Variants in TRIM44 observed in about 807,000 individuals in gnomAD.
TRIM44 encodes tripartite motif containing 44.
A neutral mutation model predicts 37.4 loss-of-function variants in TRIM44; 13 were observed. The observed-to-expected ratio is 0.35, with a 90% CI of 0.23 to 0.55. The LOEUF is 0.55. Among genes scored for constraint, TRIM44 ranks in the 20% least tolerant of loss-of-function variants. TRIM44 has a pLI of 0.89. For missense variants in TRIM44, 426 were observed against 437.2 expected (o/e 0.97, Z 0.23); for synonymous variants, 175 against 157.2 (o/e 1.11, Z -0.85).
At chr11:35,761,952 A>G (rs1852735435) in intron 4 of TRIM44, among the ~76,000 whole-genome samples, 1 of 152,256 alleles carries the variant, frequency 6.6e-6, no homozygotes, top group Admixed American at 6.5e-5. Context: ...TCTCAGGAAT[A>G]CAATGGCAGA....
Position 35,746,060 on chromosome 11 carries a change from G to GT in TRIM44, c.1007+10619dup, listed in dbSNP as rs561967675. ...TCCAAATAGATTTAAGGATTTAGAG[G>GT]TTTTCCTTAAAAGGTAATCAAACAA... is the stretch of plus-strand genomic sequence containing the variant. On this transcript the variant is annotated intron_variant, in intron 4 of 4. Coordinates refer to ENST00000299413, the MANE Select transcript of TRIM44 (RefSeq NM_017583.6). 2.0e-4 allele frequency among the ~76,000 whole-genome samples: 30 copies of GT among 152,284 alleles called. No homozygotes were observed. The South Asian group carries it at 5.4e-3, about 27-fold the overall frequency.
intron 4 of TRIM44, among the ~76,000 whole-genome samples, chr11:35,804,020 C>T (rs918940697): frequency 2.0e-5 from 3 of 151,864 alleles, no homozygotes; most frequent in Admixed American, 1.3e-4. Flanking sequence ...TCCTCCCTCC[C>T]CTGAGCCTGT....
At position 35,663,474 on chromosome 11, in the gene TRIM44, C is replaced by T; in HGVS notation, c.363C>T (p.Ser121=). ...CAGAGGAAGAGAGTGAGGATGAGAGCGATGAGGAGAGTGAAGAAGACAGCG... is the reference window on the plus strand; with the variant it reads ...CAGAGGAAGAGAGTGAGGATGAGAGTGATGAGGAGAGTGAAGAAGACAGCG... The part of the protein sequence containing the change: ...SETEEESEDE[S]DEESEEDSEE... The change falls in exon 1 of 5, where the codon AGC becomes AGT. Residue 121 remains serine (S), a synonymous_variant. Coordinates refer to ENST00000299413, the MANE Select transcript of TRIM44 (RefSeq NM_017583.6). 6.4e-7 allele frequency: 1 copy of T among 1,566,524 alleles called. No homozygotes were observed. Among genetic ancestry groups the T allele is most frequent in the Non-Finnish European group, 8.7e-7 (1 of 1,155,218 alleles).
chr11:35,707,019 G>T (rs1489394585), intron 2 of TRIM44, among the ~76,000 whole-genome samples: 1 of 152,080 alleles, frequency 6.6e-6, no homozygotes, highest in African/African-American at 2.4e-5. Flanking sequence ...AAACCCCATT[G>T]TTTCAGCCCA....
chr11:35,680,205 C>T (rs1041041236), intron 1 of TRIM44, among the ~76,000 whole-genome samples: 4 of 152,282 alleles, frequency 2.6e-5, no homozygotes, highest in East Asian at 3.9e-4. Context: ...GACCTTGGCC[C>T]TCTTGGTCAA....
At chr11:35,691,638 T>C (rs1224727437) in intron 2 of TRIM44, among the ~76,000 whole-genome samples, 1 of 152,178 alleles carries the variant, frequency 6.6e-6, no homozygotes, top group East Asian at 1.9e-4. Context: ...TTTATTTTCA[T>C]TTATTTATTT....
At chr11:35,741,174 C>T (rs1852392342) in intron 4 of TRIM44, among the ~76,000 whole-genome samples, 4 of 152,142 alleles carry the variant, frequency 2.6e-5, no homozygotes, top group Admixed American at 2.6e-4. Flanking sequence ...GCTTATTATG[C>T]AAAGTGGGGT....
intron 4 of TRIM44, among the ~76,000 whole-genome samples, chr11:35,788,933 T>C (rs997290935): frequency 6.6e-6 from 1 of 152,220 alleles, no homozygotes; most frequent in African/African-American, 2.4e-5. Context: ...GAATTATCAC[T>C]CTTCTTTTTA....
At chr11:35,768,414 G>A (rs11033270) in intron 4 of TRIM44, among the ~76,000 whole-genome samples, 4,055 of 152,170 alleles carry the variant, frequency 0.027, 136 homozygotes, top group African/African-American at 0.076. Flanking sequence ...TTGAGGGTTC[G>A]CACTCAACCC....
chr11:35,747,915 G>A (rs888117382), intron 4 of TRIM44, among the ~76,000 whole-genome samples: 3 of 152,030 alleles, frequency 2.0e-5, no homozygotes, highest in African/African-American at 7.3e-5. Flanking sequence ...GGGGATAATT[G>A]TTGCAGGAGG....
intron 2 of TRIM44, among the ~76,000 whole-genome samples, chr11:35,720,409 T>G (rs1590540758): frequency 6.7e-6 from 1 of 149,018 alleles, no homozygotes; most frequent in Non-Finnish European, 1.5e-5. Context: ...TTCCAGGAGG[T>G]TTTTTTCTTT....
rs1395222429 is a variant in TRIM44 at position 35,663,057 on chromosome 11, A to C, written c.-55A>C. 12 of 1,465,224 alleles carry C rather than the reference A, an allele frequency of 8.2e-6. No individual in the cohort carries two copies. The African/African-American group carries it at 1.3e-4, about 16-fold the overall frequency. 90.8% of individuals were successfully genotyped at this position (1,465,224 alleles called of 1,614,324 possible). On this transcript the variant is annotated 5_prime_UTR_variant, in exon 1 of 5. Coordinates refer to ENST00000299413, the MANE Select transcript of TRIM44 (RefSeq NM_017583.6). ...GGGAGGAGGAAGTGAGGCCGCGCGG[A>C]AGGAAGGCGGCGAGCCCCGGGGCCC...
intron 4 of TRIM44, among the ~76,000 whole-genome samples, chr11:35,795,402 G>C (rs1371619980): frequency 6.6e-6 from 1 of 151,962 alleles, no homozygotes; most frequent in Non-Finnish European, 1.5e-5. Flanking sequence ...AGTTCAAGCA[G>C]GAGATGGTGG....
chr11:35,746,665 T>A lies in TRIM44; in HGVS notation c.1007+11220T>A, dbSNP rs187893040. Among the ~76,000 whole-genome samples, 276 of 152,220 alleles carry A rather than the reference T, an allele frequency of 1.8e-3. 1 individual carries two copies. Among genetic ancestry groups the A allele is most frequent in the Middle Eastern group, 6.8e-3 (2 of 294 alleles). ...CTGTAGGGAGGTGGCTTCAGAACTTTAAGAAATGTAGCCAAAGGCTGAGTT... is the reference window on the plus strand; with the variant it reads ...CTGTAGGGAGGTGGCTTCAGAACTTAAAGAAATGTAGCCAAAGGCTGAGTT... On this transcript the variant is annotated intron_variant, in intron 4 of 4. Coordinates refer to ENST00000299413, the MANE Select transcript of TRIM44 (RefSeq NM_017583.6).
chr11:35,741,921 T>TTATC (rs1032887252), intron 4 of TRIM44, among the ~76,000 whole-genome samples: 3 of 152,138 alleles, frequency 2.0e-5, no homozygotes, highest in Non-Finnish European at 2.9e-5. Flanking sequence ...CATTTTAATT[T>TTATC]TATCTATCTA....
At chr11:35,738,646 T>G (rs987497691) in intron 4 of TRIM44, among the ~76,000 whole-genome samples, 1 of 152,224 alleles carries the variant, frequency 6.6e-6, no homozygotes, top group African/African-American at 2.4e-5. Flanking sequence ...GATCTGAAAT[T>G]TTTCTCATTT....
intron 1 of TRIM44, among the ~76,000 whole-genome samples, chr11:35,667,300 A>G (rs1851343112): frequency 6.6e-6 from 1 of 152,226 alleles, no homozygotes; most frequent in Admixed American, 6.5e-5. Flanking sequence ...AATTTTTAAA[A>G]TCAGTGATAC....
chr11:35,691,397 A>G (rs1851634779), intron 2 of TRIM44, among the ~76,000 whole-genome samples: 1 of 152,122 alleles, frequency 6.6e-6, no homozygotes, highest in African/African-American at 2.4e-5. Context: ...TCCCCTACCC[A>G]ATTATAAAAG....
intron 4 of TRIM44, among the ~76,000 whole-genome samples, chr11:35,781,248 T>A (rs1853062370): frequency 1.3e-5 from 2 of 152,168 alleles, no homozygotes; most frequent in South Asian, 4.2e-4. Flanking sequence ...TTTTAGCCTT[T>A]TTTTTTAATG....
Sources: gnomAD v4.1 joint callset for allele counts (sites outside exome capture counted in the v4.1 genomes callset) on GRCh38, gnomAD v4.1.1 for gene constraint, MANE v1.5 for transcripts, NCBI Gene and HGNC (gene_info 2026-07-23, HGNC 2026-07-21) for gene names.